PTPRU: variants seen among roughly 807,000 people sequenced by gnomAD.
PTPRU encodes the protein receptor-type tyrosine-protein phosphatase U.
In PTPRU, 69 loss-of-function variants were observed where a neutral mutation model predicts 166.3. That is an observed-to-expected ratio of 0.41 (90% CI 0.34 to 0.51). The LOEUF (loss-of-function observed/expected upper bound fraction) is 0.51, where lower values mean the gene tolerates loss of function less well. PTPRU is among the 20% of genes least tolerant of loss of function. The probability of loss-of-function intolerance (pLI) is 0.09; values close to 1 mark genes in which losing one functional copy is unlikely to be tolerated. For synonymous variants in PTPRU, 793 were observed against 814.0 expected (o/e 0.97, Z 0.44); for missense variants, 1,657 against 2,013.7 (o/e 0.82, Z 3.39).
rs780093222 is a variant in PTPRU at position 29,314,981 on chromosome 1, G to T, written c.3228-391G>T. On this transcript the variant is annotated intron_variant, in intron 22 of 29. Coordinates refer to ENST00000373779, the MANE Select transcript of PTPRU (RefSeq NM_133178.4). ...GGATGCTCCAGTGGGTATGTGAATG[G>T]GTATGAGTGTGTGGGCTTTTCAAGG... Among the ~76,000 whole-genome samples the T allele has an allele frequency of 3.3e-5, 5 of 152,200 alleles. No individual in the cohort carries two copies. The South Asian group carries it at 1.0e-3, about 31-fold the overall frequency.
intron 14 of PTPRU, among the ~76,000 whole-genome samples, chr1:29,287,525 G>C (rs1159353150): frequency 2.0e-5 from 3 of 151,818 alleles, no homozygotes; most frequent in African/African-American, 7.3e-5. Flanking sequence ...ACTGCTGGGT[G>C]CTTCCCGGTG....
chr1:29,275,491 G>C lies in PTPRU; in HGVS notation c.1188G>C (p.Gln396His), dbSNP rs1461837314. Residue 396 changes from glutamine to histidine, a missense_variant, in exon 8 of 30, where the codon CAG (glutamine) becomes CAC (histidine). This residue lies in a region of PTPRU where 1,190 missense variants were observed against 1,477.4 expected (regional missense o/e 0.81). Transcript: ENST00000373779. ...APKGLAFAEI[Q>H]ARQLTLQWEP... is the part of the protein sequence containing the mutation. Reference sequence around the variant, plus strand: ...AAGGCCTGGCTTTTGCTGAGATCCAGGCCCGTCAGCTGACCCTGCAGTGGG... The same window carrying C: ...AAGGCCTGGCTTTTGCTGAGATCCACGCCCGTCAGCTGACCCTGCAGTGGG... 6.2e-7 allele frequency: 1 copy of C among 1,614,160 alleles called. No individual in the cohort carries two copies. The highest frequency in any genetic ancestry group is 8.5e-7 in the Non-Finnish European group (1 of 1,180,008).
chr1:29,270,247 T>C (rs1685502680), intron 7 of PTPRU, among the ~76,000 whole-genome samples: 1 of 152,140 alleles, frequency 6.6e-6, no homozygotes, highest in African/African-American at 2.4e-5. Flanking sequence ...ATTTGACTCA[T>C]ATTATCTCAT....
chr1:29,285,439 A>G (rs533615257), intron 14 of PTPRU, among the ~76,000 whole-genome samples: 3 of 152,074 alleles, frequency 2.0e-5, no homozygotes, highest in South Asian at 4.2e-4. Context: ...TGCCGCCCCT[A>G]CTATCCCTCG....
rs191265215 is a variant in PTPRU at position 29,238,134 on chromosome 1, G to A, written c.73+1417G>A. ...TGTCTGCTGTGTGGTCGCGTTCTCCGGGTGTGTTTCGGAGTCTGGTGTCTT... is the reference window on the plus strand; with the variant it reads ...TGTCTGCTGTGTGGTCGCGTTCTCCAGGTGTGTTTCGGAGTCTGGTGTCTT... On this transcript the variant is annotated intron_variant, in intron 1 of 29. Coordinates refer to ENST00000373779, the MANE Select transcript of PTPRU (RefSeq NM_133178.4). This position sits in a 1 kb window ranked among gnomAD's most constrained non-coding sequence, Gnocchi z 6.1. Among the ~76,000 whole-genome samples the A allele has an allele frequency of 5.8e-4, 89 of 152,156 alleles. No homozygotes were observed. Among genetic ancestry groups the A allele is most frequent in the African/African-American group, 2.0e-3 (85 of 41,558 alleles).
intron 1 of PTPRU, among the ~76,000 whole-genome samples, chr1:29,241,161 C>T (rs1329134370): frequency 1.3e-5 from 2 of 152,092 alleles, no homozygotes; most frequent in East Asian, 3.8e-4. Context: ...TGCTTTGACC[C>T]CTGGGGAGCC....
intron 1 of PTPRU, among the ~76,000 whole-genome samples, chr1:29,240,679 C>T (rs1684009505): frequency 6.6e-6 from 1 of 152,180 alleles, no homozygotes; most frequent in Admixed American, 6.5e-5. Context: ...GCTCTGGCCC[C>T]ACCCCTAGCA....
At position 29,237,295 on chromosome 1, in the gene PTPRU, G is replaced by A. The variant is rs1182979577; in HGVS notation, c.73+578G>A. On this transcript the variant is annotated intron_variant, in intron 1 of 29. Transcript: ENST00000373779. The surrounding 1 kb of genome is among the most constrained non-coding windows in gnomAD (Gnocchi z 6.4). The stretch of plus-strand genomic sequence containing the variant: ...GTGGGAACGGGTCCGGAACGTGTGT[G>A]TCCGTGCGCTGTGTACGTGTGGGGA... Among the ~76,000 whole-genome samples, 1 of 152,056 alleles carries A rather than the reference G, an allele frequency of 6.6e-6. No individual in the cohort carries two copies. The highest frequency in any genetic ancestry group is 1.9e-4 in the East Asian group (1 of 5,164).
chr1:29,273,277 C>CT (rs1209215215), intron 7 of PTPRU, among the ~76,000 whole-genome samples: 1 of 151,952 alleles, frequency 6.6e-6, no homozygotes, highest in African/African-American at 2.4e-5. Context: ...CTTTTCTATT[C>CT]TTTTTTTTCG....
intron 28 of PTPRU, 119 bp downstream of exon 28, chr1:29,323,907 T>A: frequency 1.6e-6 from 2 of 1,263,436 alleles, no homozygotes; most frequent in Non-Finnish European, 2.1e-6. Context: ...ACCCCTGGGC[T>A]CTTAGATGGC....
intron 13 of PTPRU, 83 bp downstream of exon 13, chr1:29,284,059 C>T (rs916787377): frequency 2.8e-4 from 427 of 1,546,154 alleles, no homozygotes; most frequent in Non-Finnish European, 3.5e-4. Flanking sequence ...TGAGGACCTA[C>T]GGCTGTGGGA....
In PTPRU at chr1:29,255,268, C is replaced by T. The variant is rs781165786; in HGVS notation, c.74-7C>T. On this transcript the variant is annotated splice_polypyrimidine_tract_variant and splice_region_variant and intron_variant, in intron 1 of 29. Coordinates refer to ENST00000373779, the MANE Select transcript of PTPRU (RefSeq NM_133178.4). Reference sequence around the variant, plus strand: ...TAGCCTGGGCTAACCAGGCCCTGCTCTCACAGCTGGCTGCACCTTCGAGGA... The same window carrying T: ...TAGCCTGGGCTAACCAGGCCCTGCTTTCACAGCTGGCTGCACCTTCGAGGA... 1.9e-6 allele frequency: 3 copies of T among 1,612,850 alleles called. 1 individual carries two copies. The South Asian group carries it at 3.3e-5, about 18-fold the overall frequency.
In PTPRU at chr1:29,305,393, C is replaced by G; in HGVS notation, c.2785C>G (p.Pro929Ala). Reference sequence around the variant, plus strand: ...GAAACTGCACCCGATGCTGGGAGACCCCAATGCCGACTACATTAATGCCAA... The same window carrying G: ...GAAACTGCACCCGATGCTGGGAGACGCCAATGCCGACTACATTAATGCCAA... ...RVKLHPMLGDPNADYINANYI... is the reference protein window; with the variant it reads ...RVKLHPMLGDANADYINANYI... The change falls in exon 18 of 30, where the codon CCC becomes GCC. Residue 929 changes from proline to alanine, a missense_variant. Pro to Ala is a conservative substitution (Grantham distance 27, BLOSUM62 -1). Coordinates refer to ENST00000373779, the MANE Select transcript of PTPRU (RefSeq NM_133178.4). 1 of 1,613,986 alleles carries G rather than the reference C, an allele frequency of 6.2e-7. No individual in the cohort carries two copies. The highest frequency in any genetic ancestry group is 8.5e-7 in the Non-Finnish European group (1 of 1,180,032).
intron 7 of PTPRU, among the ~76,000 whole-genome samples, chr1:29,275,127 C>G (rs932565382): frequency 1.1e-4 from 16 of 150,946 alleles, no homozygotes; most frequent in Admixed American, 9.2e-4. Context: ...GTGTGTATTT[C>G]CTTAAACCTT....
chr1:29,278,011 G>T (rs532903241), intron 8 of PTPRU, among the ~76,000 whole-genome samples: 1 of 151,500 alleles, frequency 6.6e-6, no homozygotes, highest in East Asian at 1.9e-4. Context: ...TAGAGATGGG[G>T]GTTTCACCAT....
At chr1:29,251,441 A>G (rs1030898558) in intron 1 of PTPRU, among the ~76,000 whole-genome samples, 1 of 152,056 alleles carries the variant, frequency 6.6e-6, no homozygotes, top group African/African-American at 2.4e-5. Context: ...GAAGTGAGAT[A>G]GTCTGGGGGT....
At position 29,276,488 on chromosome 1, in the gene PTPRU, T is replaced by C. The variant is rs574246919; in HGVS notation, c.1453+732T>C. ...GCACTGCCATGCCTGGCTAATTTTT[T>C]TGTATTTTTTGTAGAGACGGGGTTT... On this transcript the variant is annotated intron_variant, in intron 8 of 29. Coordinates refer to ENST00000373779, the MANE Select transcript of PTPRU (RefSeq NM_133178.4). Among the ~76,000 whole-genome samples the C allele has an allele frequency of 3.9e-5, 6 of 152,258 alleles. No individual in the cohort carries two copies. The East Asian group carries it at 9.6e-4, about 24-fold the overall frequency.
rs1293719957 is a variant in PTPRU at position 29,325,580 on chromosome 1, CCT to C, written c.4249-14_4249-13del. The stretch of plus-strand genomic sequence containing the variant: ...TTGGGGTCAGGCTCATGATTCCCTC[CCT>C]CTCTTCCTCTCCCCAGGATCAGTAC... On this transcript the variant is annotated splice_polypyrimidine_tract_variant and intron_variant, in intron 29 of 29. Transcript: ENST00000373779. 1 of 1,601,294 alleles carries C rather than the reference CCT, an allele frequency of 6.2e-7. No individual in the cohort carries two copies.
intron 24 of PTPRU, among the ~76,000 whole-genome samples, chr1:29,316,992 G>C (rs910185454): frequency 6.6e-6 from 1 of 152,114 alleles, no homozygotes; most frequent in Non-Finnish European, 1.5e-5. Context: ...TCCACTCCAG[G>C]GTTCCTGCAG....
Sources: gnomAD v4.1 joint callset for allele counts (sites outside exome capture counted in the v4.1 genomes callset) on GRCh38, gnomAD v4.1.1 for gene constraint, gnomAD v4.1.1 regional missense constraint, Gnocchi (gnomAD v3.1) non-coding constraint, MANE v1.5 for transcripts, NCBI Gene and HGNC (gene_info 2026-07-23, HGNC 2026-07-21) for gene names.